CUBN: variants seen among roughly 807,000 people sequenced by gnomAD.
CUBN encodes 460 kDa receptor.
Under a neutral mutation model 405.3 loss-of-function variants are expected in CUBN, and 282 were observed. The observed-to-expected ratio is 0.70, with a 90% confidence interval of 0.63 to 0.77. CUBN has a LOEUF of 0.77. Among genes scored for constraint, CUBN ranks in the 30% least tolerant of loss-of-function variants. CUBN has a pLI of 0.00. For missense variants in CUBN, 4,514 were observed against 4,475.2 expected (o/e 1.01, Z -0.25); for synonymous variants, 1,684 against 1,617.0 (o/e 1.04, Z -0.99).
At chr10:17,047,303 C>G in intron 23 of CUBN, 111 bp downstream of exon 23, 1 of 852,512 alleles carries the variant, frequency 1.2e-6, no homozygotes, top group Non-Finnish European at 1.8e-6. Context: ...AAGTGCACAG[C>G]AGGGAGCTTT....
chr10:16,853,579 C>A (rs7079366), intron 59 of CUBN, among the ~76,000 whole-genome samples: 6 of 152,102 alleles, frequency 3.9e-5, no homozygotes, highest in Non-Finnish European at 5.9e-5. Context: ...CTAAGTCAGG[C>A]GAAACTATAG....
At chr10:16,833,303 G>C (rs191007352) in intron 64 of CUBN, among the ~76,000 whole-genome samples, 1 of 152,142 alleles carries the variant, frequency 6.6e-6, no homozygotes, top group African/African-American at 2.4e-5. Flanking sequence ...TAACCTGACC[G>C]GCACAAAGAA....
chr10:17,107,319 T>C lies in CUBN; in HGVS notation c.1112-1744A>G, dbSNP rs7075086. ...TTGCAGAAATATATGTTCTTTCTAC[T>C]ACTGCACAATGGTTGAAATAATACA... On this transcript the variant is annotated intron_variant, in intron 10 of 66. Transcript: ENST00000377833. Among the ~76,000 whole-genome samples the C allele has an allele frequency of 6.1e-3, 936 of 152,304 alleles. 6 individuals are homozygous for C. The highest frequency in any genetic ancestry group is 0.02 in the African/African-American group (846 of 41,566).
Position 16,831,235 on chromosome 10 carries a change from A to G in CUBN, c.10528+17T>C, listed in dbSNP as rs775326988. ...TTTTCTCACAGTGCTTTCCTGTACA[A>G]AGTGCAAATGTCTTACCAGAGGGTG... On this transcript the variant is annotated intron_variant, in intron 65 of 66. Transcript: ENST00000377833. The G allele has an allele frequency of 1.2e-6, 2 of 1,613,236 alleles. No individual in the cohort carries two copies.
intron 15 of CUBN, among the ~76,000 whole-genome samples, chr10:17,085,967 T>C (rs1836100074): frequency 2.1e-5 from 1 of 47,924 alleles, no homozygotes; most frequent in Non-Finnish European, 3.4e-5. Context: ...CTGTCTGAAT[T>C]TTTTTTTTTT....
intron 59 of CUBN, among the ~76,000 whole-genome samples, chr10:16,865,653 C>T (rs1840161551): frequency 6.6e-6 from 1 of 152,034 alleles, no homozygotes; most frequent in Admixed American, 6.5e-5. Flanking sequence ...TAAAATGCAC[C>T]AATCAGCAGG....
intron 48 of CUBN, 83 bp from the exon 49 acceptor site, chr10:16,907,762 C>G (rs1269738837): frequency 8.3e-6 from 12 of 1,453,948 alleles, no homozygotes; most frequent in South Asian, 1.2e-5. Context: ...CAGCCCAGAC[C>G]CACTTCCTTT....
intron 14 of CUBN, among the ~76,000 whole-genome samples, chr10:17,097,688 TTTGATGAA>T (rs1836404830): frequency 6.6e-6 from 1 of 152,152 alleles, no homozygotes; most frequent in South Asian, 2.1e-4. Context: ...ATGGAAAATA[TTTGATGAA>T]TGCAAAGTTG....
intron 48 of CUBN, among the ~76,000 whole-genome samples, chr10:16,913,396 C>G (rs1038473509): frequency 1.3e-5 from 2 of 152,130 alleles, no homozygotes; most frequent in Non-Finnish European, 2.9e-5. Context: ...CAGTGCTCTC[C>G]CACCAAGAGT....
At chr10:17,115,764 C>T (rs1173234241) in intron 6 of CUBN, among the ~76,000 whole-genome samples, 167 bp from the exon 7 acceptor site, 3 of 152,228 alleles carry the variant, frequency 2.0e-5, no homozygotes, top group Non-Finnish European at 2.9e-5. Flanking sequence ...GAAAATCACT[C>T]TGCTGTGCTC....
At chr10:16,914,123 T>G (rs761711771) in intron 47 of CUBN, 131 bp from the exon 48 acceptor site, 33 of 964,152 alleles carry the variant, frequency 3.4e-5, no homozygotes, top group Non-Finnish European at 5.1e-5. Flanking sequence ...TTTATTTATG[T>G]GCATGAGGAT....
rs781739600 is a variant in CUBN at position 17,068,643 on chromosome 10, T to A, written c.2753A>T (p.Asn918Ile). The change falls in exon 20 of 67, where the codon AAC becomes ATC. Residue 918 changes from asparagine to isoleucine, a missense_variant. By Grantham distance (149) the Asn-to-Ile change is moderately radical. Coordinates refer to ENST00000377833, the MANE Select transcript of CUBN (RefSeq NM_001081.4). ...VTFVKSSSTE[N>I]HGFMAKFSAE... ...ACTGAACTTAGCCATGAAACCATGGTTTTCAGTAGAAGAACTTTTCACGAA... is the reference window on the plus strand; with the variant it reads ...ACTGAACTTAGCCATGAAACCATGGATTTCAGTAGAAGAACTTTTCACGAA... The A allele has an allele frequency of 6.2e-7, 1 of 1,612,900 alleles. No individual in the cohort carries two copies. Among genetic ancestry groups the A allele is most frequent in the Non-Finnish European group, 8.5e-7 (1 of 1,179,328 alleles).
chr10:16,991,447 G>A lies in CUBN; in HGVS notation c.4169-932C>T, dbSNP rs1022096881. ...ACTATACCGCACAGGCTCTCAAATC[G>A]TTTGCAGGAATTCAGACAGAGATTT... On this transcript the variant is annotated intron_variant, in intron 28 of 66. Transcript: ENST00000377833. Among the ~76,000 whole-genome samples the A allele has an allele frequency of 4.6e-5, 7 of 152,142 alleles. No homozygotes were observed. The South Asian group carries it at 1.2e-3, about 27-fold the overall frequency.
intron 17 of CUBN, among the ~76,000 whole-genome samples, chr10:17,079,629 T>C (rs1404547714): frequency 6.6e-6 from 1 of 152,180 alleles, no homozygotes; most frequent in East Asian, 1.9e-4. Context: ...AATTTCAATA[T>C]GTACTTAACT....
chr10:16,890,509 C>T lies in CUBN; in HGVS notation c.8617G>A (p.Glu2873Lys), dbSNP rs142519035. Residue 2873 changes from glutamate (E) to lysine (K), a missense_variant, in exon 55 of 67, where the codon GAG becomes AAG. Physicochemically the swap from Glu to Lys is moderately conservative, Grantham distance 56. Around this residue, in one of 5 missense-constraint regions of CUBN, gnomAD observed 1,186 missense variants for 1,186.9 expected, o/e 1.00. Transcript: ENST00000377833. ...SFVKVWAGTE[E>K]VDKALLATGC... ...GTGGCTAGCAGGGCTTTGTCCACCT[C>T]CTCAGTTCCTGCCCACACCTAGCAC... 9.5e-5 allele frequency: 153 copies of T among 1,614,062 alleles called. No individual in the cohort carries two copies. Among genetic ancestry groups the T allele is most frequent in the Non-Finnish European group, 1.2e-4 (146 of 1,180,038 alleles).
At chr10:17,096,628 T>G (rs1471447550) in intron 14 of CUBN, among the ~76,000 whole-genome samples, 1 of 152,050 alleles carries the variant, frequency 6.6e-6, no homozygotes, top group African/African-American at 2.4e-5. Context: ...AAATTTAATA[T>G]TTGAAAAACA....
At chr10:16,844,519 T>C (rs978514860) in intron 60 of CUBN, among the ~76,000 whole-genome samples, 1 of 152,104 alleles carries the variant, frequency 6.6e-6, no homozygotes, top group African/African-American at 2.4e-5. Flanking sequence ...TAAGATCAGA[T>C]TTGGGTTTTA....
At chr10:16,920,711 A>C (rs113323959) in intron 43 of CUBN, among the ~76,000 whole-genome samples, 1 of 152,206 alleles carries the variant, frequency 6.6e-6, no homozygotes, top group Non-Finnish European at 1.5e-5. Flanking sequence ...TTTTCTAAAA[A>C]ACCAAAGCAT....
chr10:17,089,640 G>C (rs1251377243), intron 14 of CUBN, among the ~76,000 whole-genome samples: 1 of 152,162 alleles, frequency 6.6e-6, no homozygotes, highest in Non-Finnish European at 1.5e-5. Context: ...CTCACACATT[G>C]CTAGAGAATG....
Sources: gnomAD v4.1 joint callset for allele counts (sites outside exome capture counted in the v4.1 genomes callset) on GRCh38, gnomAD v4.1.1 for gene constraint, gnomAD v4.1.1 regional missense constraint, MANE v1.5 for transcripts, NCBI Gene and HGNC (gene_info 2026-07-23, HGNC 2026-07-21) for gene names.